PEX5L: variants seen among roughly 807,000 people sequenced by gnomAD.
The protein encoded by PEX5L is PEX5-related protein.
Under a neutral mutation model 84.0 loss-of-function variants are expected in PEX5L, and 30 were observed. That is an observed-to-expected ratio of 0.36 (90% CI 0.27 to 0.48). PEX5L has a LOEUF of 0.48. PEX5L is among the 20% of genes least tolerant of loss of function. The pLI, the probability that PEX5L is intolerant of heterozygous loss-of-function variation, is 0.99. For missense variants in PEX5L, 533 were observed against 754.6 expected (o/e 0.71, Z 3.44); for synonymous variants, 270 against 283.1 (o/e 0.95, Z 0.46).
chr3:179,957,980 T>C (rs1036412035), intron 2 of PEX5L, among the ~76,000 whole-genome samples: 8 of 152,278 alleles, frequency 5.3e-5, no homozygotes, highest in African/African-American at 1.7e-4. Flanking sequence ...TTTATGGCTA[T>C]GTAGCCACAC....
Position 179,912,908 on chromosome 3 carries a change from A to G in PEX5L, c.94-14662T>C, listed in dbSNP as rs375847530. 8.0e-3 allele frequency among the ~76,000 whole-genome samples: 1,212 copies of G among 152,252 alleles called. 7 individuals are homozygous for G. The highest frequency in any genetic ancestry group is 0.013 in the Non-Finnish European group (902 of 67,950). On this transcript the variant is annotated intron_variant, in intron 2 of 14. Coordinates refer to ENST00000467460, the MANE Select transcript of PEX5L (RefSeq NM_016559.3). ...AGCCCCAACTCTGACAACTATATCT[A>G]AGGAAACATCCATTAAGGAAAGATA... is the stretch of plus-strand genomic sequence containing the variant.
In PEX5L at chr3:179,900,784, T is replaced by C. The variant is rs904095406; in HGVS notation, c.94-2538A>G. ...ATGTTAGTGCCTGCTAGCAACTTTT[T>C]TCTTTACAGCCTTTTTTGGCTTTTG... is the stretch of plus-strand genomic sequence containing the variant. On this transcript the variant is annotated intron_variant, in intron 2 of 14. Coordinates refer to ENST00000467460, the MANE Select transcript of PEX5L (RefSeq NM_016559.3). 17 of 1,320,448 alleles carry C rather than the reference T, an allele frequency of 1.3e-5. No homozygotes were observed. In the African/African-American group the frequency reaches 2.2e-4, roughly 17 times the overall value. 81.8% of individuals were successfully genotyped at this position (1,320,448 alleles called of 1,614,324 possible). A position where few individuals can be genotyped will look rare whatever the true frequency, so the allele number is the denominator to read the frequency against.
chr3:179,965,173 C>T (rs6775539), intron 2 of PEX5L, among the ~76,000 whole-genome samples: 8 of 152,122 alleles, frequency 5.3e-5, no homozygotes, highest in African/African-American at 1.7e-4. Context: ...GAAGGCATGC[C>T]GAATGTCTAA....
At chr3:179,977,152 GA>G (rs1342691387) in intron 1 of PEX5L, among the ~76,000 whole-genome samples, 7 of 152,112 alleles carry the variant, frequency 4.6e-5, no homozygotes, top group Non-Finnish European at 4.4e-5. Flanking sequence ...AAACAATAAT[GA>G]ATTTTTTTAT....
At chr3:179,900,275 G>A (rs1760849727) in intron 2 of PEX5L, among the ~76,000 whole-genome samples, 1 of 152,078 alleles carries the variant, frequency 6.6e-6, no homozygotes, top group South Asian at 2.1e-4. Context: ...AATAAACAAA[G>A]TGGCATGCTT....
At chr3:179,974,792 C>A (rs1343150183) in intron 1 of PEX5L, among the ~76,000 whole-genome samples, 1 of 152,204 alleles carries the variant, frequency 6.6e-6, no homozygotes. Flanking sequence ...CACCATCTCT[C>A]CTTAACCCTA....
intron 2 of PEX5L, among the ~76,000 whole-genome samples, chr3:179,916,253 G>A (rs910590927): frequency 7.2e-5 from 11 of 152,102 alleles, no homozygotes; most frequent in African/African-American, 2.7e-4. Context: ...AAACCCAGAT[G>A]ATATAGCCTC....
At position 180,036,833 on chromosome 3, in the gene PEX5L, G is replaced by A; in HGVS notation, c.-234C>T. 1 of 568,478 alleles carries A rather than the reference G, an allele frequency of 1.8e-6. No individual in the cohort carries two copies. The highest frequency in any genetic ancestry group is 3.2e-6 in the Non-Finnish European group (1 of 314,818). The allele number at this position is 568,478 out of a possible 1,614,324, so 35.2% of individuals were successfully genotyped here. A position where few individuals can be genotyped will look rare whatever the true frequency, so the allele number is the denominator to read the frequency against. On this transcript the variant is annotated 5_prime_UTR_variant, in exon 1 of 15. Coordinates refer to ENST00000467460, the MANE Select transcript of PEX5L (RefSeq NM_016559.3). ...AAGCGGACGCGGGAGAGCGCGCAGA[G>A]AAGGCGAGGAGCCGGGTCGGCCAGG...
chr3:179,804,893 C>T (rs1720615026), intron 14 of PEX5L, among the ~76,000 whole-genome samples: 1 of 152,012 alleles, frequency 6.6e-6, no homozygotes, highest in Admixed American at 6.6e-5. Context: ...CTGAGGCAGG[C>T]AGATCACTTG....
chr3:180,019,602 G>A (rs1255137428), intron 1 of PEX5L, among the ~76,000 whole-genome samples: 1 of 152,064 alleles, frequency 6.6e-6, no homozygotes, highest in African/African-American at 2.4e-5. Flanking sequence ...CTCTAAGTGG[G>A]TATACCAAAG....
intron 1 of PEX5L, among the ~76,000 whole-genome samples, chr3:179,992,109 TAATCATCAAAATGA>T (rs1787433471): frequency 6.6e-6 from 1 of 152,196 alleles, no homozygotes. Context: ...ACAAATAGTC[TAATCATCAAAATGA>T]AGACAGAGTA....
At chr3:180,002,886 AT>A (rs1788551269) in intron 1 of PEX5L, among the ~76,000 whole-genome samples, 1 of 152,128 alleles carries the variant, frequency 6.6e-6, no homozygotes, top group South Asian at 2.1e-4. Flanking sequence ...TCAGGAAACA[AT>A]TGCAATAACA....
At chr3:179,995,414 G>A (rs1448585699) in intron 1 of PEX5L, among the ~76,000 whole-genome samples, 1 of 151,896 alleles carries the variant, frequency 6.6e-6, no homozygotes, top group African/African-American at 2.4e-5. Flanking sequence ...ACCCCAAAAT[G>A]CCAAGGACTC....
At chr3:180,013,366 A>G (rs528622027) in intron 1 of PEX5L, among the ~76,000 whole-genome samples, 72 of 152,232 alleles carry the variant, frequency 4.7e-4, no homozygotes, top group Non-Finnish European at 3.7e-4. Flanking sequence ...GGCAAAGAGT[A>G]TATTTGGGCA....
At chr3:179,901,233 AT>A (rs1761232060) in intron 2 of PEX5L, among the ~76,000 whole-genome samples, 1 of 23,392 alleles carries the variant, frequency 4.3e-5, no homozygotes, top group Non-Finnish European at 8.8e-5. Context: ...TTCAGACTCA[AT>A]TTTCAAAAAC....
chr3:179,921,800 C>T (rs1769521399), intron 2 of PEX5L: 1 of 152,214 alleles, frequency 6.6e-6, no homozygotes, highest in African/African-American at 2.4e-5. Flanking sequence ...CCCTACTACT[C>T]CAACTCCTAC....
chr3:180,005,728 C>A (rs74984219), intron 1 of PEX5L, among the ~76,000 whole-genome samples: 7 of 144,628 alleles, frequency 4.8e-5, no homozygotes, highest in South Asian at 2.2e-4. Context: ...GACTCTGTCT[C>A]AAAAAAAAAA....
intron 1 of PEX5L, among the ~76,000 whole-genome samples, chr3:180,010,560 G>A (rs1338259068): frequency 6.6e-6 from 1 of 151,998 alleles, no homozygotes; most frequent in Admixed American, 6.5e-5. Context: ...TAACACGTTT[G>A]CCTGGAGAGG....
In PEX5L at chr3:179,809,602, A is replaced by G. The variant is rs199601995; in HGVS notation, c.1221T>C (p.Thr407=). The stretch of plus-strand genomic sequence containing the variant: ...CGTCACAGGCATCCTGCTGATGGCC[A>G]GTGTTAGTATAACTCACAGCCAAGG... ...LMALAVSYTN[T]GHQQDACDAL... Residue 407 remains threonine (T), a synonymous_variant, in exon 12 of 15, where the codon ACT becomes ACC. Coordinates refer to ENST00000467460, the MANE Select transcript of PEX5L (RefSeq NM_016559.3). 5.0e-6 allele frequency: 8 copies of G among 1,613,646 alleles called. No homozygotes were observed. In the East Asian group the frequency reaches 1.8e-4, roughly 36 times the overall value.
Sources: gnomAD v4.1 joint callset for allele counts (sites outside exome capture counted in the v4.1 genomes callset) on GRCh38, gnomAD v4.1.1 for gene constraint, MANE v1.5 for transcripts, NCBI Gene and HGNC (gene_info 2026-07-23, HGNC 2026-07-21) for gene names.